Variants in SP4 observed in about 807,000 individuals in gnomAD.
The protein encoded by SP4 is transcription factor Sp4.
A neutral mutation model predicts 72.8 loss-of-function variants in SP4; 19 were observed. The observed-to-expected ratio is 0.26, with a 90% CI of 0.18 to 0.38. SP4 has a LOEUF of 0.38. Ranked by LOEUF, SP4 falls within the 10% of genes least tolerant of loss-of-function variation. SP4 has a pLI of 1.00. For missense variants in SP4, 1,008 were observed against 926.3 expected (o/e 1.09, Z -1.14); for synonymous variants, 395 against 333.1 (o/e 1.19, Z -2.02).
chr7:21,508,611 G>A (rs1181426421), intron 5 of SP4, among the ~76,000 whole-genome samples: 1 of 152,062 alleles, frequency 6.6e-6, no homozygotes, highest in Non-Finnish European at 1.5e-5. Context: ...ACAGGTGTGA[G>A]CCACCGCGCC....
At chr7:21,456,730 C>A (rs1783775372) in intron 3 of SP4, among the ~76,000 whole-genome samples, 1 of 152,164 alleles carries the variant, frequency 6.6e-6, no homozygotes, top group South Asian at 2.1e-4. Context: ...CAGAGGAAAT[C>A]CTAGACAGCA....
chr7:21,505,367 T>G (rs1217427893), intron 5 of SP4, among the ~76,000 whole-genome samples: 3 of 152,240 alleles, frequency 2.0e-5, no homozygotes, highest in Non-Finnish European at 4.4e-5. Flanking sequence ...TGTGGTGGTT[T>G]CTGATACCTC....
intron 3 of SP4, among the ~76,000 whole-genome samples, chr7:21,445,737 G>A (rs1442635695): frequency 6.6e-6 from 1 of 152,034 alleles, no homozygotes; most frequent in Non-Finnish European, 1.5e-5. Flanking sequence ...GAGTTTGTGT[G>A]GCTTCAAAAT....
At chr7:21,432,068 TTA>T (rs990402583) in intron 3 of SP4, among the ~76,000 whole-genome samples, 5 of 152,330 alleles carry the variant, frequency 3.3e-5, no homozygotes, top group African/African-American at 1.2e-4. Context: ...TTGGAAATGT[TTA>T]TGTTTTCTAT....
intron 5 of SP4, among the ~76,000 whole-genome samples, chr7:21,503,429 T>A (rs1350565979): frequency 6.6e-6 from 1 of 152,164 alleles, no homozygotes. Flanking sequence ...ATTAGTTTGG[T>A]GATATGCTTT....
At position 21,479,119 on chromosome 7, in the gene SP4, T is replaced by C. The variant is rs998177904; in HGVS notation, c.1907+1812T>C. Among the ~76,000 whole-genome samples, 3 of 152,116 alleles carry C rather than the reference T, an allele frequency of 2.0e-5. No homozygotes were observed. In the East Asian group the frequency reaches 5.8e-4, roughly 29 times the overall value. ...AAAATATTGTCTCCCATTGTGTGAA[T>C]TGTCTGTATACTTTCTTGATAGTGC... On this transcript the variant is annotated intron_variant, in intron 4 of 5. Coordinates refer to ENST00000222584, the MANE Select transcript of SP4 (RefSeq NM_003112.5).
chr7:21,506,671 C>G (rs1782006716), intron 5 of SP4, among the ~76,000 whole-genome samples: 1 of 152,192 alleles, frequency 6.6e-6, no homozygotes, highest in Non-Finnish European at 1.5e-5. Flanking sequence ...CAGTTGGTTT[C>G]TCTTTCCATC....
intron 5 of SP4, among the ~76,000 whole-genome samples, chr7:21,485,145 A>G (rs892514719): frequency 6.6e-6 from 1 of 151,978 alleles, no homozygotes; most frequent in African/African-American, 2.4e-5. Flanking sequence ...AGAATATGAA[A>G]AAATATATTT....
At chr7:21,489,689 A>G (rs1177979985) in intron 5 of SP4, among the ~76,000 whole-genome samples, 1 of 150,640 alleles carries the variant, frequency 6.6e-6, no homozygotes, top group Non-Finnish European at 1.5e-5. Flanking sequence ...CCTCCCGAGT[A>G]GCTGGGACTA....
chr7:21,452,494 C>T (rs979442316), intron 3 of SP4, among the ~76,000 whole-genome samples: 1 of 152,156 alleles, frequency 6.6e-6, no homozygotes, highest in Non-Finnish European at 1.5e-5. Flanking sequence ...GAATCCTGTA[C>T]AGGGACTGTG....
At chr7:21,446,845 A>G (rs1198798181) in intron 3 of SP4, among the ~76,000 whole-genome samples, 2 of 150,804 alleles carry the variant, frequency 1.3e-5, no homozygotes. Flanking sequence ...TCTTTCCCCA[A>G]GCCTGGGTTC....
chr7:21,480,007 T>C (rs1258188430), intron 4 of SP4, among the ~76,000 whole-genome samples: 1 of 152,100 alleles, frequency 6.6e-6, no homozygotes, highest in East Asian at 1.9e-4. Context: ...TGTTTGTTTG[T>C]TTGTTTAGTA....
intron 2 of SP4, 30 bp from the exon 3 acceptor site, chr7:21,429,259 C>A (rs773149783): frequency 3.0e-6 from 4 of 1,315,494 alleles, no homozygotes; most frequent in African/African-American, 1.5e-5. Context: ...TTTCCCCCCC[C>A]CCTCTCCTTT....
chr7:21,484,518 G>A (rs1279321887), intron 5 of SP4, among the ~76,000 whole-genome samples: 1 of 151,824 alleles, frequency 6.6e-6, no homozygotes, highest in East Asian at 1.9e-4. Context: ...TTATAGTAAA[G>A]CTCTGAATTT....
chr7:21,484,338 T>C (rs1412988934), intron 5 of SP4, among the ~76,000 whole-genome samples: 1 of 151,888 alleles, frequency 6.6e-6, no homozygotes, highest in Non-Finnish European at 1.5e-5. Context: ...TTTTAATAAT[T>C]TTATGTGTGA....
At position 21,459,161 on chromosome 7, in the gene SP4, C is replaced by T. The variant is rs182519674; in HGVS notation, c.1679-17918C>T. ...TTTGAGTGAGAGTCTCACTCTGTCA[C>T]CAGGCTGGAGTGCAGTGGCGCGATC... On this transcript the variant is annotated intron_variant, in intron 3 of 5. Transcript: ENST00000222584. Among the ~76,000 whole-genome samples, 681 of 152,234 alleles carry T rather than the reference C, an allele frequency of 4.5e-3. 2 individuals are homozygous for T. Among genetic ancestry groups the T allele is most frequent in the Middle Eastern group, 0.014 (4 of 294 alleles).
rs1427346315 is a variant in SP4 at position 21,512,913 on chromosome 7, T to C, written c.*1644T>C. ...GGCCAAAAGTTTCATATGAAAAAAATTGGATTATAAACCAGTAACTTAAAT... is the reference window on the plus strand; with the variant it reads ...GGCCAAAAGTTTCATATGAAAAAAACTGGATTATAAACCAGTAACTTAAAT... On this transcript the variant is annotated 3_prime_UTR_variant, in exon 6 of 6. Transcript: ENST00000222584. 1 of 152,530 alleles carries C rather than the reference T, an allele frequency of 6.6e-6. No individual in the cohort carries two copies. The highest frequency in any genetic ancestry group is 2.4e-5 in the African/African-American group (1 of 41,390). 9.4% of individuals were successfully genotyped at this position (152,530 alleles called of 1,614,324 possible).
At chr7:21,428,939 A>C in intron 2 of SP4, 147 bp downstream of exon 2, 1 of 699,628 alleles carries the variant, frequency 1.4e-6, no homozygotes, top group Admixed American at 3.0e-5. Context: ...TTGTAAATTC[A>C]TCAAGTTTTC....
chr7:21,479,975 T>TA (rs1380783085), intron 4 of SP4, among the ~76,000 whole-genome samples: 1 of 120,096 alleles, frequency 8.3e-6, no homozygotes, highest in Non-Finnish European at 1.7e-5. Context: ...TTTGATTAGT[T>TA]ATAACAGTTT....
Sources: gnomAD v4.1 joint callset for allele counts (sites outside exome capture counted in the v4.1 genomes callset) on GRCh38, gnomAD v4.1.1 for gene constraint, MANE v1.5 for transcripts, NCBI Gene and HGNC (gene_info 2026-07-23, HGNC 2026-07-21) for gene names.